The following CCDC7 variants were observed in gnomAD, a reference collection of about 807,000 sequenced individuals.
The protein encoded by CCDC7 is coiled-coil domain-containing protein 7.
A neutral mutation model predicts 196.9 loss-of-function variants in CCDC7; 183 were observed. The observed-to-expected ratio is 0.93, with a 90% CI of 0.82 to 1.05. The LOEUF is 1.05. Ranked by LOEUF, CCDC7 falls within the 50% of genes least tolerant of loss-of-function variation. CCDC7 has a pLI of 0.00. For synonymous variants in CCDC7, 525 were observed against 484.6 expected, an observed-to-expected ratio of 1.08 and a Z score of -1.10; for missense variants, 1,540 against 1,482.2, an observed-to-expected ratio of 1.04 and a Z score of -0.64.
intron 9 of CCDC7, 112 bp from the exon 11 acceptor site, chr10:32,517,833 A>C (rs2047274739): frequency 8.7e-7 from 1 of 1,154,184 alleles, no homozygotes; most frequent in East Asian, 2.8e-5. Flanking sequence ...AGAATAAAAC[A>C]GCAGCAACTA....
upstream of CCDC7, among the ~76,000 whole-genome samples, chr10:32,447,892 A>G (rs1040962517): frequency 1.1e-4 from 17 of 152,048 alleles, no homozygotes; most frequent in Admixed American, 7.9e-4. Context: ...CAAGAGCGAA[A>G]CTCTGTCTCA....
chr10:32,523,821 G>A (rs1473642855), intron 11 of CCDC7, among the ~76,000 whole-genome samples: 1 of 151,522 alleles, frequency 6.6e-6, no homozygotes, highest in Non-Finnish European at 1.5e-5. Flanking sequence ...GTTTCCACTG[G>A]CATGGAATAT....
intron 29 of CCDC7, among the ~76,000 whole-genome samples, chr10:32,799,064 T>A (rs1199528043): frequency 6.6e-6 from 1 of 152,160 alleles, no homozygotes; most frequent in Non-Finnish European, 1.5e-5. Context: ...TTCCATTTGA[T>A]GATGGAATGC....
intron 32 of CCDC7, among the ~76,000 whole-genome samples, chr10:32,828,416 G>GAAGAAGAAGGAGAAGGAGAAGAAGA (rs2091473627): frequency 4.0e-5 from 4 of 100,656 alleles, no homozygotes; most frequent in African/African-American, 1.6e-4. Context: ...GAAGGAGAAG[G>GAAGAAGAAGGAGAAGGAGAAGAAGA]AGAAGAAGAA....
At chr10:32,565,611 G>T (rs370754047) in exon 14 of CCDC7, 2 of 1,608,694 alleles carry the variant, frequency 1.2e-6, no homozygotes, top group South Asian at 2.2e-5. Context: ...AATTGAAACA[G>T]GCTTTACAGG....
chr10:32,477,546 G>A (rs118191837), intron 8 of CCDC7, among the ~76,000 whole-genome samples: 1 of 149,586 alleles, frequency 6.7e-6, no homozygotes, highest in Non-Finnish European at 1.5e-5. Flanking sequence ...TATGTCTAGA[G>A]TCATTGTTTT....
At position 32,729,541 on chromosome 10, in the gene CCDC7, C is replaced by G. The variant is rs186460966; in HGVS notation, c.2905+84C>G. The G allele has an allele frequency of 5.5e-5, 32 of 583,176 alleles. 1 individual carries two copies. The highest frequency in any genetic ancestry group is 2.8e-6 in the Non-Finnish European group (1 of 361,546). 36.1% of individuals were successfully genotyped at this position (583,176 alleles called of 1,614,324 possible). On this transcript the variant is annotated intron_variant, in intron 28 of 41. Coordinates refer to ENST00000639629, the Ensembl canonical transcript of CCDC7. ...TTTTGGTTTATAAATATGCCTTCAA[C>G]CATATGCTTCTTCTGCTAATTATTT... is the stretch of plus-strand genomic sequence containing the variant.
intron 13 of CCDC7, among the ~76,000 whole-genome samples, chr10:32,560,620 C>T (rs2055334752): frequency 6.6e-6 from 1 of 152,266 alleles, no homozygotes; most frequent in Non-Finnish European, 1.5e-5. Flanking sequence ...CAAGCAAATG[C>T]TGAGAGATTT....
At chr10:32,657,923 G>T (rs1038053676) in intron 20 of CCDC7, among the ~76,000 whole-genome samples, 2 of 152,176 alleles carry the variant, frequency 1.3e-5, no homozygotes, top group Middle Eastern at 3.2e-3. Flanking sequence ...AAATTCCACA[G>T]ATCTGTAGGG....
intron 21 of CCDC7, among the ~76,000 whole-genome samples, chr10:32,678,757 G>T (rs190613456): frequency 6.6e-6 from 1 of 152,306 alleles, no homozygotes; most frequent in African/African-American, 2.4e-5. Flanking sequence ...GCACTGTGCT[G>T]TGACAGCTTG....
At chr10:32,813,978 C>A (rs557097336) in intron 30 of CCDC7, among the ~76,000 whole-genome samples, 1 of 151,214 alleles carries the variant, frequency 6.6e-6, no homozygotes, top group Non-Finnish European at 1.5e-5. Context: ...TTCTTTTTTG[C>A]GACAGAGTCT....
intron 18 of CCDC7, among the ~76,000 whole-genome samples, chr10:32,585,225 C>T (rs113453779): frequency 1.2e-4 from 19 of 152,102 alleles, no homozygotes; most frequent in African/African-American, 3.6e-4. Flanking sequence ...AGGCGCATGC[C>T]GCCATGCCCA....
At chr10:32,582,930 ATACT>A (rs1364008243) in intron 16 of CCDC7, 100 bp from the exon 18 acceptor site, 19 of 664,068 alleles carry the variant, frequency 2.9e-5, no homozygotes, top group East Asian at 6.9e-5. Context: ...ATGAGTAATT[ATACT>A]TACTTATTTA....
At chr10:32,599,877 G>T (rs913845032) in intron 18 of CCDC7, among the ~76,000 whole-genome samples, 1 of 152,052 alleles carries the variant, frequency 6.6e-6, no homozygotes, top group Non-Finnish European at 1.5e-5. Flanking sequence ...GGCTATTGAG[G>T]TTTCCCAGAA....
chr10:32,780,769 G>T (rs112283316), intron 29 of CCDC7, among the ~76,000 whole-genome samples: 160 of 152,204 alleles, frequency 1.1e-3, no homozygotes, highest in Non-Finnish European at 2.0e-3. Flanking sequence ...TGGCAGAAAT[G>T]TCTTTCCTTA....
intron 18 of CCDC7, among the ~76,000 whole-genome samples, chr10:32,593,245 C>G (rs923578602): frequency 6.6e-6 from 1 of 152,190 alleles, no homozygotes; most frequent in African/African-American, 2.4e-5. Context: ...GCCATTCTAA[C>G]TGGTGTGAGA....
intron 41 of CCDC7, among the ~76,000 whole-genome samples, chr10:32,874,551 G>A (rs774877658): frequency 1.8e-4 from 27 of 151,334 alleles, no homozygotes; most frequent in African/African-American, 5.8e-4. Flanking sequence ...TTTCCGATTC[G>A]AATTACTTCA....
At chr10:32,657,412 G>A (rs1455217013) in intron 20 of CCDC7, among the ~76,000 whole-genome samples, 2 of 152,258 alleles carry the variant, frequency 1.3e-5, no homozygotes, top group African/African-American at 4.8e-5. Flanking sequence ...CTAGGCAGAA[G>A]TTCCCAAATC....
At chr10:32,704,875 G>A (rs1488282477) in intron 24 of CCDC7, among the ~76,000 whole-genome samples, 1 of 152,134 alleles carries the variant, frequency 6.6e-6, no homozygotes, top group Non-Finnish European at 1.5e-5. Context: ...CGCAGTATTA[G>A]GTTGGGAGTG....
Sources: allele counts gnomAD v4.1 joint callset (sites outside exome capture counted in the v4.1 genomes callset), GRCh38; gene constraint gnomAD v4.1.1; transcripts MANE v1.5; gene names NCBI Gene and HGNC (gene_info 2026-07-23, HGNC 2026-07-21).